Variants in UNC79 observed in about 807,000 individuals in gnomAD.
UNC79 encodes the protein protein unc-79 homolog.
Under a neutral mutation model 283.1 loss-of-function variants are expected in UNC79, and 37 were observed. The ratio of observed to expected loss-of-function variants is 0.13; its 90% CI spans 0.10 to 0.17. The LOEUF (loss-of-function observed/expected upper bound fraction) is 0.17, where lower values mean the gene tolerates loss of function less well. Ranked by LOEUF, UNC79 falls within the 10% of genes least tolerant of loss-of-function variation. The pLI, the probability that UNC79 is intolerant of heterozygous loss-of-function variation, is 1.00. For missense variants in UNC79, 2,272 were observed against 3,211.1 expected (o/e 0.71, Z 7.07); for synonymous variants, 1,107 against 1,200.2 (o/e 0.92, Z 1.61).
At chr14:93,509,075 A>C (rs577836682) in intron 7 of UNC79, among the ~76,000 whole-genome samples, 2 of 152,308 alleles carry the variant, frequency 1.3e-5, no homozygotes, top group East Asian at 3.9e-4. Context: ...TAATGGCAGA[A>C]GGTGCAGGGG....
chr14:93,338,964 A>G (rs1218795631), intron 1 of UNC79, among the ~76,000 whole-genome samples: 1 of 152,218 alleles, frequency 6.6e-6, no homozygotes, highest in Non-Finnish European at 1.5e-5. Flanking sequence ...ACTTGGTTAA[A>G]ATGATTTGTA....
chr14:93,706,758 C>A (rs968181275), exon 49 of UNC79: 2 of 1,614,120 alleles, frequency 1.2e-6, no homozygotes, highest in African/African-American at 2.7e-5. Context: ...CCACGTGAAC[C>A]ACCACAGCCT....
chr14:93,361,270 C>T (rs556355026), intron 1 of UNC79, among the ~76,000 whole-genome samples: 66 of 141,338 alleles, frequency 4.7e-4, no homozygotes, highest in African/African-American at 1.5e-3. Flanking sequence ...GGAGGCACAA[C>T]GCCTAGCAGG....
intron 40 of UNC79, among the ~76,000 whole-genome samples, chr14:93,670,749 A>T (rs181629805): frequency 5.7e-4 from 87 of 152,352 alleles, no homozygotes; most frequent in African/African-American, 1.6e-3. Flanking sequence ...TGGGGCTGAT[A>T]GCCCCAACTC....
chr14:93,384,094 C>T (rs1300227184), intron 1 of UNC79, among the ~76,000 whole-genome samples: 1 of 152,168 alleles, frequency 6.6e-6, no homozygotes, highest in African/African-American at 2.4e-5. Flanking sequence ...AATACAATCT[C>T]TCATCTGTTG....
intron 1 of UNC79, among the ~76,000 whole-genome samples, chr14:93,406,104 A>G (rs4905064): frequency 0.54 from 82,451 of 152,092 alleles, 22,938 homozygotes; most frequent in Admixed American, 0.65. Context: ...AGATCCATTC[A>G]GTTCATTTAC....
At chr14:93,600,134 A>G (rs2065393865) in intron 24 of UNC79, among the ~76,000 whole-genome samples, 1 of 152,180 alleles carries the variant, frequency 6.6e-6, no homozygotes, top group Admixed American at 6.5e-5. Flanking sequence ...CGGGAGGCGG[A>G]GGTTGCAGTG....
At chr14:93,689,059 A>T (rs1355618139) in intron 44 of UNC79, 2 of 476,560 alleles carry the variant, frequency 4.2e-6, no homozygotes, top group African/African-American at 2.0e-5. Context: ...TCCCACAAAA[A>T]CCTCAATTGT....
At chr14:93,573,868 G>C (rs1407462955) in intron 16 of UNC79, among the ~76,000 whole-genome samples, 2 of 152,312 alleles carry the variant, frequency 1.3e-5, no homozygotes, top group Non-Finnish European at 2.9e-5. Context: ...AGCTGGTCGT[G>C]GTGACGCACG....
chr14:93,628,537 G>A (rs144450564), intron 30 of UNC79, among the ~76,000 whole-genome samples: 67 of 152,158 alleles, frequency 4.4e-4, no homozygotes, highest in African/African-American at 1.3e-3. Flanking sequence ...ACTTTTATGC[G>A]TATGAATTAT....
At chr14:93,599,194 C>T (rs910494397) in intron 24 of UNC79, among the ~76,000 whole-genome samples, 3 of 152,166 alleles carry the variant, frequency 2.0e-5, no homozygotes, top group Non-Finnish European at 4.4e-5. Flanking sequence ...TCCTGTTATG[C>T]ATTATCTTAT....
intron 5 of UNC79, among the ~76,000 whole-genome samples, chr14:93,489,648 T>G (rs1165114323): frequency 6.6e-6 from 1 of 152,256 alleles, no homozygotes; most frequent in Non-Finnish European, 1.5e-5. Flanking sequence ...CCAGGCCCAC[T>G]GGGGTGGAGG....
At chr14:93,599,108 A>G (rs766790082) in intron 24 of UNC79, among the ~76,000 whole-genome samples, 26 of 152,188 alleles carry the variant, frequency 1.7e-4, no homozygotes, top group Non-Finnish European at 2.6e-4. Context: ...TTTTGTTGTT[A>G]TTATTCAACT....
intron 5 of UNC79, among the ~76,000 whole-genome samples, chr14:93,494,426 A>G (rs889228033): frequency 3.8e-4 from 58 of 152,172 alleles, no homozygotes; most frequent in African/African-American, 1.3e-3. Context: ...GAAGAAGAAG[A>G]TCAGGCCTCT....
At chr14:93,561,586 AGAGT>A (rs967650089) in intron 14 of UNC79, among the ~76,000 whole-genome samples, 3 of 152,072 alleles carry the variant, frequency 2.0e-5, no homozygotes, top group Admixed American at 6.5e-5. Context: ...TGGCTAGGAG[AGAGT>A]GAGTAAGATT....
chr14:93,655,547 C>T (rs2070825395), intron 38 of UNC79, 140 bp downstream of exon 41: 2 of 985,778 alleles, frequency 2.0e-6, no homozygotes, highest in African/African-American at 1.7e-5. Flanking sequence ...AGTGAGGATG[C>T]TTATTTGGGT....
At chr14:93,345,779 AAGAACCATGACTTCAGAT>A (rs112870119) in intron 1 of UNC79, among the ~76,000 whole-genome samples, 11,164 of 152,098 alleles carry the variant, frequency 0.073, 856 homozygotes, top group African/African-American at 0.19. Context: ...CCTATGGCTA[AAGAACCATGACTTCAGAT>A]AGAAAGGTCT....
At chr14:93,431,389 T>A (rs2055870678) in intron 1 of UNC79, among the ~76,000 whole-genome samples, 2 of 148,830 alleles carry the variant, frequency 1.3e-5, no homozygotes, top group Non-Finnish European at 3.0e-5. Context: ...TATCTCTTGT[T>A]GGAGTGGGGG....
chr14:93,496,351 C>G (rs958064608), intron 5 of UNC79, 60 bp from the exon 6 acceptor site: 1 of 1,125,750 alleles, frequency 8.9e-7, no homozygotes, highest in Non-Finnish European at 1.3e-6. Flanking sequence ...ATATGTATAT[C>G]AAAGGATGTT....
Sources: allele counts gnomAD v4.1 joint callset (sites outside exome capture counted in the v4.1 genomes callset), GRCh38; gene constraint gnomAD v4.1.1; transcripts MANE v1.5; gene names NCBI Gene and HGNC (gene_info 2026-07-23, HGNC 2026-07-21).